MEF2C: variants seen among roughly 807,000 people sequenced by gnomAD.
MEF2C encodes the protein myocyte enhancer factor 2C, also known as myocyte-specific enhancer factor 2C.
In MEF2C, 6 loss-of-function variants were observed where a neutral mutation model predicts 50.5. The ratio of observed to expected loss-of-function variants is 0.12; its 90% CI spans 0.07 to 0.23. The LOEUF (loss-of-function observed/expected upper bound fraction) is 0.23, where lower values mean the gene tolerates loss of function less well. Among genes scored for constraint, MEF2C ranks in the 10% least tolerant of loss-of-function variants. The pLI, the probability that MEF2C is intolerant of heterozygous loss-of-function variation, is 1.00. For synonymous variants in MEF2C, 183 were observed against 228.0 expected, an observed-to-expected ratio of 0.80 and a Z score of 1.78; for missense variants, 276 against 605.0, an observed-to-expected ratio of 0.46 and a Z score of 5.70.
Position 88,728,629 on chromosome 5 carries a change from C to A in MEF2C, c.965-1G>T. ...AGGTCTGCACTACTCAGAGAGTACTCTAGATTAAAGAATAAAACAACAAGG... is the reference window on the plus strand; with the variant it reads ...AGGTCTGCACTACTCAGAGAGTACTATAGATTAAAGAATAAAACAACAAGG... On this transcript the variant is annotated splice_acceptor_variant, in intron 9 of 10. Coordinates refer to ENST00000504921, the MANE Select transcript of MEF2C (RefSeq NM_002397.5). LOFTEE classifies it high-confidence loss of function. 1 of 1,414,680 alleles carries A rather than the reference C, an allele frequency of 7.1e-7. No individual in the cohort carries two copies. Among genetic ancestry groups the A allele is most frequent in the East Asian group, 2.7e-5 (1 of 36,636 alleles). 87.6% of individuals were successfully genotyped at this position (1,414,680 alleles called of 1,614,324 possible).
intron 1 of MEF2C, among the ~76,000 whole-genome samples, chr5:88,869,260 T>TCTATATATATATACAC (rs1828443002): frequency 1.6e-5 from 1 of 62,132 alleles, no homozygotes; most frequent in Admixed American, 2.0e-4. Context: ...TTCATATATA[T>TCTATATATATATACAC]ATATATATAT....
chr5:88,891,392 CCT>C lies in MEF2C; in HGVS notation c.-239-3796_-239-3795del, dbSNP rs1491333316. Among the ~76,000 whole-genome samples the C allele has an allele frequency of 1.1e-4, 14 of 125,634 alleles. 1 individual carries two copies. The highest frequency in any genetic ancestry group is 8.7e-4 in the Admixed American group (11 of 12,610). 82.4% of individuals were successfully genotyped at this position (125,634 alleles called of 152,430 possible). ...CTCAGAAATGTTAATAACCAACCAA[CCT>C]TTTTTTTTTTTTTTTTTTTTTGAGA... On this transcript the variant is annotated intron_variant, in intron 1 of 11. Transcript: ENST00000340208.
At chr5:88,821,528 T>C (rs1311017996) in intron 2 of MEF2C, among the ~76,000 whole-genome samples, 1 of 151,932 alleles carries the variant, frequency 6.6e-6, no homozygotes. Flanking sequence ...GTGTTGGGAT[T>C]ACAAGCATGA....
intron 1 of MEF2C, among the ~76,000 whole-genome samples, chr5:88,880,240 CA>C (rs1832392330): frequency 6.6e-6 from 1 of 151,852 alleles, no homozygotes; most frequent in African/African-American, 2.4e-5. Context: ...GGTATTTTCT[CA>C]GAGGATGTGC....
At chr5:88,725,781 C>T (rs1179349986) in intron 10 of MEF2C, among the ~76,000 whole-genome samples, 1 of 152,064 alleles carries the variant, frequency 6.6e-6, no homozygotes, top group East Asian at 1.9e-4. Context: ...TTAACCTAAC[C>T]TTTTATAAGT....
chr5:88,741,357 C>T, intron 6 of MEF2C: 1 of 985,228 alleles, frequency 1.0e-6, no homozygotes, highest in Middle Eastern at 5.2e-4. Context: ...TTAATTTTTA[C>T]AACAATCCGG....
At chr5:88,800,909 TATA>T (rs1798055699) in intron 3 of MEF2C, among the ~76,000 whole-genome samples, 1 of 148,864 alleles carries the variant, frequency 6.7e-6, no homozygotes, top group Non-Finnish European at 1.5e-5. Context: ...TGCATTATAA[TATA>T]ATCATAAAAA....
At chr5:88,896,177 T>A (rs1048816988) in intron 1 of MEF2C, among the ~76,000 whole-genome samples, 7 of 152,210 alleles carry the variant, frequency 4.6e-5, no homozygotes, top group Non-Finnish European at 2.9e-5. Context: ...AGCAAAATAT[T>A]AAGATACTCC....
At chr5:88,736,181 C>T in intron 6 of MEF2C, 1 of 985,398 alleles carries the variant, frequency 1.0e-6, no homozygotes, top group Non-Finnish European at 1.2e-6. Context: ...CTTTGGCTTC[C>T]ATCACCATTT....
chr5:88,753,000 T>C (rs1315191334), intron 4 of MEF2C, among the ~76,000 whole-genome samples: 2 of 152,258 alleles, frequency 1.3e-5, no homozygotes, highest in Non-Finnish European at 2.9e-5. Context: ...ATAGGATTTA[T>C]AGAAGGCATT....
intron 1 of MEF2C, among the ~76,000 whole-genome samples, chr5:88,882,297 T>A (rs562147487): frequency 6.6e-6 from 1 of 152,340 alleles, no homozygotes; most frequent in East Asian, 1.9e-4. Flanking sequence ...TGACTTGACC[T>A]GAACAGCAAT....
At chr5:88,742,943 T>C in intron 6 of MEF2C, 5 of 974,672 alleles carry the variant, frequency 5.1e-6, no homozygotes, top group Non-Finnish European at 6.1e-6. Flanking sequence ...AATATCATTG[T>C]TACTTAATTT....
intron 2 of MEF2C, among the ~76,000 whole-genome samples, chr5:88,822,689 A>G (rs926556375): frequency 6.6e-6 from 1 of 152,038 alleles, no homozygotes; most frequent in Non-Finnish European, 1.5e-5. Context: ...TTGTATGTCC[A>G]AGAAGACAAA....
rs1490212681 is a variant in MEF2C, at chr5:88,734,561, GTTTGTTTTTTTTTTTT to G, written c.638-2676_638-2661del. On this transcript the variant is annotated intron_variant, in intron 6 of 10. Coordinates refer to ENST00000504921, the MANE Select transcript of MEF2C (RefSeq NM_002397.5). ...ATGCTTCACGGAGGCCTTGAGAAAA[GTTTGTTTTTTTTTTTT>G]TTTTTTTTTTTTTTTTTTTTTAGCA... 3.3e-3 allele frequency: 847 copies of G among 253,990 alleles called. 1 individual carries two copies. Among genetic ancestry groups the G allele is most frequent in the Non-Finnish European group, 3.9e-3 (818 of 211,460 alleles). 15.7% of individuals were successfully genotyped at this position (253,990 alleles called of 1,614,324 possible).
In MEF2C at chr5:88,792,234, A is replaced by G. The variant is rs997508907; in HGVS notation, c.258+12364T>C. ...ATCATCTTTCCATTCACAAGCTTCA[A>G]GTTAAAAAAAAATACAGTATACTTC... On this transcript the variant is annotated intron_variant, in intron 3 of 10. Coordinates refer to ENST00000504921, the MANE Select transcript of MEF2C (RefSeq NM_002397.5). Among the ~76,000 whole-genome samples the G allele has an allele frequency of 1.3e-4, 20 of 152,274 alleles. 1 individual carries two copies. The highest frequency in any genetic ancestry group is 3.4e-3 in the Middle Eastern group (1 of 292).
At chr5:88,736,951 T>C in intron 6 of MEF2C, 6 of 984,996 alleles carry the variant, frequency 6.1e-6, no homozygotes, top group Non-Finnish European at 7.2e-6. Context: ...TCTTTCATGA[T>C]GCCTTTCAGA....
At chr5:88,836,652 A>G (rs2153275233) in intron 1 of MEF2C, among the ~76,000 whole-genome samples, 1 of 152,346 alleles carries the variant, frequency 6.6e-6, no homozygotes, top group East Asian at 1.9e-4. Flanking sequence ...GAGCTGAGAC[A>G]GTTTCTAGGC....
intron 9 of MEF2C, among the ~76,000 whole-genome samples, chr5:88,728,861 G>A (rs1004757257): frequency 3.3e-5 from 5 of 152,032 alleles, no homozygotes; most frequent in South Asian, 2.1e-4. Flanking sequence ...AGCATAGTCC[G>A]CAATTCTAGT....
upstream of MEF2C, chr5:88,883,243 A>C (rs1427917538): frequency 8.6e-6 from 1 of 115,990 alleles, no homozygotes; most frequent in East Asian, 3.0e-4. Flanking sequence ...GCGCGAGGGG[A>C]GCGCGCGCGA....
Sources: gnomAD v4.1 joint callset for allele counts (sites outside exome capture counted in the v4.1 genomes callset) on GRCh38, gnomAD v4.1.1 for gene constraint, MANE v1.5 for transcripts, NCBI Gene and HGNC (gene_info 2026-07-23, HGNC 2026-07-21) for gene names.